Variants in PROCR observed in about 807,000 individuals in gnomAD.
The protein encoded by PROCR is protein C receptor, also known as endothelial protein C receptor.
A neutral mutation model predicts 24.2 loss-of-function variants in PROCR; 22 were observed. That is an observed-to-expected ratio of 0.91 (90% confidence interval 0.65 to 1.30). PROCR has a LOEUF of 1.30. Among genes scored for constraint, PROCR ranks in the 50% most tolerant of loss-of-function variants. PROCR has a pLI of 0.00. For synonymous variants in PROCR, 137 were observed against 139.2 expected (o/e 0.98, Z 0.11); for missense variants, 288 against 307.7 (o/e 0.94, Z 0.48).
chr20:35,194,953 C>T (rs1439379277), intron 1 of PROCR, among the ~76,000 whole-genome samples: 1 of 152,106 alleles, frequency 6.6e-6, no homozygotes, highest in East Asian at 1.9e-4. Flanking sequence ...TACAAAGAAC[C>T]AAGAAACTGA....
At position 35,176,179 on chromosome 20, in the gene PROCR, A is replaced by T; in HGVS notation, c.334A>T (p.Ile112Phe). 6.2e-7 allele frequency: 1 copy of T among 1,613,956 alleles called. No individual in the cohort carries two copies. Reference sequence around the variant, plus strand: ...CTGTCTATCCACAGTTCCTCTGACCATCCGCTGCTTCCTGGGCTGTGAGCT... The same window carrying T: ...CTGTCTATCCACAGTTCCTCTGACCTTCCGCTGCTTCCTGGGCTGTGAGCT... ...QERTLAFPLTIRCFLGCELPP... is the reference protein window; with the variant it reads ...QERTLAFPLTFRCFLGCELPP... The change falls in exon 3 of 4, where the codon ATC becomes TTC. Residue 112 changes from isoleucine (I) to phenylalanine (F), a missense_variant. By Grantham distance (21) the Ile-to-Phe change is conservative. Coordinates refer to ENST00000216968, the MANE Select transcript of PROCR (RefSeq NM_006404.5).
intron 1 of PROCR, among the ~76,000 whole-genome samples, chr20:35,194,974 A>G (rs1332602967): frequency 6.6e-6 from 1 of 152,238 alleles, no homozygotes; most frequent in Non-Finnish European, 1.5e-5. Context: ...TAAATGTTTA[A>G]AGGAAAAGAA....
At chr20:35,207,599 G>T (rs181649204) in intron 1 of PROCR, among the ~76,000 whole-genome samples, 1 of 151,416 alleles carries the variant, frequency 6.6e-6, no homozygotes, top group African/African-American at 2.4e-5. Flanking sequence ...GTATGATCTC[G>T]GCTCACTGCA....
At chr20:35,197,060 C>T (rs1282871871) in intron 1 of PROCR, among the ~76,000 whole-genome samples, 1 of 152,124 alleles carries the variant, frequency 6.6e-6, no homozygotes, top group African/African-American at 2.4e-5. Context: ...GCCATTTTTC[C>T]AACAGTATAT....
intron 1 of PROCR, among the ~76,000 whole-genome samples, chr20:35,190,405 C>T (rs531939288): frequency 6.6e-6 from 1 of 152,332 alleles, no homozygotes; most frequent in Non-Finnish European, 1.5e-5. Flanking sequence ...TAAGCTTGAT[C>T]TCTCTCAACA....
intron 1 of PROCR, among the ~76,000 whole-genome samples, chr20:35,172,984 ATC>A (rs1457729380): frequency 1.3e-5 from 2 of 152,316 alleles, no homozygotes; most frequent in Admixed American, 6.5e-5. Flanking sequence ...TATTATTACT[ATC>A]TCCATTTTAT....
intron 1 of PROCR, among the ~76,000 whole-genome samples, chr20:35,205,759 A>ATATATATATG (rs2060336946): frequency 2.6e-5 from 1 of 38,484 alleles, no homozygotes; most frequent in Non-Finnish European, 5.6e-5. Flanking sequence ...CTAAATATAT[A>ATATATATATG]TATATATATA....
chr20:35,214,421 T>C (rs538661520), intron 1 of PROCR, among the ~76,000 whole-genome samples: 68 of 152,266 alleles, frequency 4.5e-4, no homozygotes, highest in African/African-American at 1.6e-3. Context: ...GCGCGGTGGC[T>C]CACGCCTGTA....
chr20:35,171,948 G>A, upstream of PROCR: 1 of 626,806 alleles, frequency 1.6e-6, no homozygotes, highest in Non-Finnish European at 2.9e-6. Flanking sequence ...CAGGAGGGAG[G>A]CCGGCCCCCT....
At chr20:35,186,918 A>T (rs1473941951) in intron 1 of PROCR, among the ~76,000 whole-genome samples, 1 of 151,482 alleles carries the variant, frequency 6.6e-6, no homozygotes, top group Non-Finnish European at 1.5e-5. Flanking sequence ...GCGCCACTGC[A>T]CTCCAGCCTG....
intron 1 of PROCR, among the ~76,000 whole-genome samples, chr20:35,194,252 G>A (rs886244564): frequency 2.6e-5 from 4 of 152,150 alleles, no homozygotes; most frequent in Non-Finnish European, 5.9e-5. Context: ...AGTTTGGTTT[G>A]TTTTACAGAA....
chr20:35,188,805 C>T (rs190960889), intron 1 of PROCR, among the ~76,000 whole-genome samples: 133 of 152,236 alleles, frequency 8.7e-4, no homozygotes, highest in African/African-American at 3.0e-3. Flanking sequence ...ACAAAATACC[C>T]TTGGGTTGTG....
At chr20:35,206,986 C>A (rs2060345093) in intron 1 of PROCR, among the ~76,000 whole-genome samples, 1 of 152,160 alleles carries the variant, frequency 6.6e-6, no homozygotes, top group Admixed American at 6.5e-5. Flanking sequence ...TACATCCATA[C>A]AATACACTAC....
chr20:35,201,332 T>C lies in PROCR; in HGVS notation c.95-14561T>C, dbSNP rs77409418. ...AATTGTAGACCAAAATCCACTCTTATCAATAACTACATTAAATGTAAATGG... is the reference window on the plus strand; with the variant it reads ...AATTGTAGACCAAAATCCACTCTTACCAATAACTACATTAAATGTAAATGG... On this transcript the variant is annotated intron_variant, in intron 1 of 1. Transcript: ENST00000634509. 4.5e-3 allele frequency among the ~76,000 whole-genome samples: 679 copies of C among 152,272 alleles called. 2 individuals carry two copies. The highest frequency in any genetic ancestry group is 0.016 in the African/African-American group (646 of 41,564).
chr20:35,182,476 C>T (rs2086086020), intron 1 of PROCR, among the ~76,000 whole-genome samples: 1 of 152,118 alleles, frequency 6.6e-6, no homozygotes, highest in African/African-American at 2.4e-5. Flanking sequence ...TATCTCACAT[C>T]ATTAATTTAT....
In PROCR at chr20:35,188,319, G is replaced by T. The variant is rs545426948; in HGVS notation, c.94+11873G>T. Among the ~76,000 whole-genome samples, 10 of 152,252 alleles carry T rather than the reference G, an allele frequency of 6.6e-5. No homozygotes were observed. The South Asian group carries it at 1.9e-3, about 28-fold the overall frequency. On this transcript the variant is annotated intron_variant, in intron 1 of 1. Coordinates refer to the PROCR transcript ENST00000634509. ...AAAGCAGTTTATTTTAACACAGAAG[G>T]AATGAAAAGATTCAAAGTAATTATA...
At chr20:35,175,184 C>T (rs1166474455) in intron 2 of PROCR, among the ~76,000 whole-genome samples, 2 of 151,968 alleles carry the variant, frequency 1.3e-5, no homozygotes, top group Admixed American at 1.3e-4. Context: ...CTGGCATAAC[C>T]TCTTGGGATA....
At chr20:35,186,566 CAAAA>C (rs571639984) in intron 1 of PROCR, among the ~76,000 whole-genome samples, 1 of 50,118 alleles carries the variant, frequency 2.0e-5, no homozygotes, top group Admixed American at 2.3e-4. Flanking sequence ...AACTCCATCT[CAAAA>C]AAAAAAAAAA....
At chr20:35,208,350 A>G (rs767972180) in intron 1 of PROCR, among the ~76,000 whole-genome samples, 1 of 152,152 alleles carries the variant, frequency 6.6e-6, no homozygotes, top group African/African-American at 2.4e-5. Context: ...GTGTCTGTTT[A>G]TTCAACAAAT....
Sources: allele counts gnomAD v4.1 joint callset (sites outside exome capture counted in the v4.1 genomes callset), GRCh38; gene constraint gnomAD v4.1.1; transcripts MANE v1.5; gene names NCBI Gene and HGNC (gene_info 2026-07-23, HGNC 2026-07-21).